CFTR: variants seen among roughly 807,000 people sequenced by gnomAD.
CFTR encodes cystic fibrosis transmembrane conductance regulator.
In CFTR, 181 loss-of-function variants were observed where a neutral mutation model predicts 171.6. That is an observed-to-expected ratio of 1.05 (90% CI 0.93 to 1.19). CFTR has a LOEUF of 1.19. Ranked by LOEUF, CFTR falls within the 50% of genes most tolerant of loss-of-function variation. The pLI is 0.00. For missense variants in CFTR, 1,968 were observed against 1,734.7 expected (o/e 1.13, Z -2.39); for synonymous variants, 583 against 608.0 (o/e 0.96, Z 0.60).
chr7:117,488,040 AAAC>A (rs1798101363), intron 1 of CFTR: 1 of 152,136 alleles, frequency 6.6e-6, no homozygotes, highest in African/African-American at 2.4e-5. Context: ...CTAGAAATTA[AAAC>A]AACAATACCA....
intron 11 of CFTR, among the ~76,000 whole-genome samples, chr7:117,569,631 A>C (rs1791658600): frequency 6.6e-6 from 1 of 152,132 alleles, no homozygotes; most frequent in Non-Finnish European, 1.5e-5. Context: ...AGCATTTGAA[A>C]TTTCAGTACA....
At position 117,606,851 on chromosome 7, in the gene CFTR, G is replaced by T. The variant is rs993860467; in HGVS notation, c.2988+98G>T. ...GTTTTCATTTTTTATTTGATTGAGG[G>T]TTGAAGTCCTGTCTATTGCATTAAT... On this transcript the variant is annotated intron_variant, in intron 18 of 26. Coordinates refer to ENST00000003084, the MANE Select transcript of CFTR (RefSeq NM_000492.4). 1.8e-5 allele frequency: 14 copies of T among 799,196 alleles called. No individual in the cohort carries two copies. In the African/African-American group the frequency reaches 2.2e-4, roughly 13 times the overall value. The allele number at this position is 799,196 out of a possible 1,614,324, so 49.5% of individuals were successfully genotyped here.
intron 1 of CFTR, among the ~76,000 whole-genome samples, chr7:117,483,191 A>G (rs1473913717): frequency 1.3e-5 from 2 of 152,232 alleles, no homozygotes; most frequent in African/African-American, 4.8e-5. Context: ...GGTGGTTCAA[A>G]ATAGCTATCT....
At chr7:117,566,220 G>A (rs530869534) in intron 11 of CFTR, among the ~76,000 whole-genome samples, 2 of 150,704 alleles carry the variant, frequency 1.3e-5, no homozygotes, top group African/African-American at 2.4e-5. Flanking sequence ...GATCACAGGA[G>A]GCCAGGAGTT....
chr7:117,492,683 C>A (rs1232941585), intron 1 of CFTR, among the ~76,000 whole-genome samples: 1 of 151,966 alleles, frequency 6.6e-6, no homozygotes, highest in Non-Finnish European at 1.5e-5. Context: ...TAAGGTGTTT[C>A]TTCTTGTGGA....
intron 1 of CFTR, chr7:117,487,821 T>A (rs949437772): frequency 1.3e-5 from 2 of 152,080 alleles, no homozygotes; most frequent in Non-Finnish European, 2.9e-5. Flanking sequence ...TTAAGCATAA[T>A]AGGCAGAATC....
intron 22 of CFTR, among the ~76,000 whole-genome samples, chr7:117,634,121 C>G (rs966465353): frequency 3.9e-5 from 6 of 152,146 alleles, no homozygotes; most frequent in Admixed American, 3.9e-4. Flanking sequence ...CCATCTGGAC[C>G]TGGTGCTTTC....
At chr7:117,590,566 G>T in intron 13 of CFTR, 127 bp downstream of exon 13, 1 of 1,202,830 alleles carries the variant, frequency 8.3e-7, no homozygotes, top group Non-Finnish European at 1.1e-6. Context: ...GCAGAATGTA[G>T]CATGGTATTA....
rs201761547 is a variant in CFTR, at chr7:117,606,734, C to G, written c.2969C>G (p.Thr990Ser). Residue 990 changes from threonine (T) to serine (S), a missense_variant, in exon 18 of 27, where the codon ACC becomes AGC. Transcript: ENST00000003084. Reference protein sequence around the residue: ...IAILDDLLPLTIFDFIQLLLI... With the variant: ...IAILDDLLPLSIFDFIQLLLI... The stretch of plus-strand genomic sequence containing the variant: ...ATTTTGGATGACCTTCTGCCTCTTA[C>G]CATATTTGACTTCATCCAGGTATGT... 6.3e-7 allele frequency: 1 copy of G among 1,577,426 alleles called. No individual in the cohort carries two copies. Among genetic ancestry groups the G allele is most frequent in the East Asian group, 2.2e-5 (1 of 44,588 alleles).
chr7:117,554,191 G>A (rs1057148592), intron 10 of CFTR, among the ~76,000 whole-genome samples: 7 of 152,166 alleles, frequency 4.6e-5, no homozygotes, highest in African/African-American at 1.7e-4. Flanking sequence ...GCAAGGAGAT[G>A]AGTTAGGAGT....
chr7:117,522,763 C>A (rs1256624918), intron 3 of CFTR, among the ~76,000 whole-genome samples: 1 of 151,928 alleles, frequency 6.6e-6, no homozygotes, highest in Non-Finnish European at 1.5e-5. Context: ...CCCAGTCATT[C>A]TGGGGATAAT....
chr7:117,610,782 A>G (rs979156871), intron 19 of CFTR, 113 bp downstream of exon 19: 33 of 1,107,990 alleles, frequency 3.0e-5, no homozygotes, highest in South Asian at 4.3e-5. Flanking sequence ...TTTACATCAT[A>G]TAACAATAAT....
intron 23 of CFTR, among the ~76,000 whole-genome samples, chr7:117,644,961 C>A (rs1044906220): frequency 4.6e-5 from 7 of 152,114 alleles, no homozygotes; most frequent in Non-Finnish European, 8.8e-5. Flanking sequence ...TCATAAAAAA[C>A]AGAAAAAATA....
intron 20 of CFTR, among the ~76,000 whole-genome samples, chr7:117,612,024 T>TATATATAC: frequency 7.2e-5 from 1 of 13,906 alleles, no homozygotes; most frequent in Admixed American, 8.4e-4. Context: ...TATATATATG[T>TATATATAC]ATATATATAT....
intron 11 of CFTR, among the ~76,000 whole-genome samples, chr7:117,563,288 T>G (rs1000748455): frequency 2.0e-5 from 3 of 152,104 alleles, no homozygotes; most frequent in African/African-American, 7.2e-5. Context: ...CAGCTATTAT[T>G]ATTATTGTTG....
chr7:117,589,140 G>A (rs2116022075), intron 12 of CFTR, among the ~76,000 whole-genome samples: 1 of 152,154 alleles, frequency 6.6e-6, no homozygotes, highest in Non-Finnish European at 1.5e-5. Flanking sequence ...AATGTGTAAT[G>A]TGTTGTCCAG....
chr7:117,627,903 T>C, intron 22 of CFTR, 133 bp downstream of exon 22: 1 of 910,560 alleles, frequency 1.1e-6, no homozygotes, highest in Non-Finnish European at 1.8e-6. Flanking sequence ...AACACACATG[T>C]TTTATTATAT....
Position 117,610,729 on chromosome 7 carries a change from T to A in CFTR, c.3139+60T>A, listed in dbSNP as rs1792372898. On this transcript the variant is annotated intron_variant, in intron 19 of 26. Coordinates refer to ENST00000003084, the MANE Select transcript of CFTR (RefSeq NM_000492.4). ...AAAAGCTATAAGAGCTATTTGAGAT[T>A]CTTTATTGTTAATCTACTTAAAAAA... 1.9e-6 allele frequency: 3 copies of A among 1,574,716 alleles called. No homozygotes were observed. The East Asian group carries it at 6.8e-5, about 36-fold the overall frequency.
chr7:117,603,633 TG>T lies in CFTR; in HGVS notation c.2762del (p.Gly921GlufsTer2), dbSNP rs752480683. 6.2e-7 allele frequency: 1 copy of T among 1,614,108 alleles called. No individual in the cohort carries two copies. The highest frequency in any genetic ancestry group is 1.3e-5 in the African/African-American group (1 of 75,052). On this transcript the variant is annotated frameshift_variant, in exon 17 of 27. Coordinates refer to ENST00000003084, the MANE Select transcript of CFTR (RefSeq NM_000492.4). LOFTEE classifies it high-confidence loss of function. ...TSSYYVFYIY[V>X]GVADTLLAMG... ...TCGTATTATGTGTTTTACATTTACG[TG>T]GGAGTAGCCGACACTTTGCTTGCTA...
Sources: allele counts gnomAD v4.1 joint callset (sites outside exome capture counted in the v4.1 genomes callset), GRCh38; gene constraint gnomAD v4.1.1; transcripts MANE v1.5; gene names NCBI Gene and HGNC (gene_info 2026-07-23, HGNC 2026-07-21).